The following ARFGEF3 variants were observed in gnomAD, a reference collection of about 807,000 sequenced individuals.
ARFGEF3 encodes the protein ARFGEF family member 3, also known as brefeldin A-inhibited guanine nucleotide-exchange protein 3.
In ARFGEF3, 96 loss-of-function variants were observed where a neutral mutation model predicts 221.7. The observed-to-expected ratio is 0.43, with a 90% CI of 0.37 to 0.51. The LOEUF is 0.51. Ranked by LOEUF, ARFGEF3 falls within the 20% of genes least tolerant of loss-of-function variation. The pLI is 0.00. For synonymous variants in ARFGEF3, 1,145 were observed against 1,126.8 expected (o/e 1.02, Z -0.32); for missense variants, 2,410 against 2,789.9 (o/e 0.86, Z 3.07).
At chr6:138,293,732 T>A (rs1247488210) in intron 19 of ARFGEF3, among the ~76,000 whole-genome samples, 2 of 152,234 alleles carry the variant, frequency 1.3e-5, no homozygotes, top group Non-Finnish European at 2.9e-5. Context: ...CCAAGCATTT[T>A]ATGAGTGCCT....
chr6:138,208,655 T>G (rs1056443443), intron 3 of ARFGEF3, among the ~76,000 whole-genome samples: 5 of 152,176 alleles, frequency 3.3e-5, no homozygotes, highest in Non-Finnish European at 7.4e-5. Flanking sequence ...TTAATTGCAG[T>G]CCTTGTGAAT....
intron 32 of ARFGEF3, among the ~76,000 whole-genome samples, chr6:138,331,663 A>G (rs983494666): frequency 3.9e-5 from 6 of 152,240 alleles, no homozygotes; most frequent in Non-Finnish European, 7.3e-5. Context: ...TCAATTATCC[A>G]GTCTGGAGGC....
intron 2 of ARFGEF3, among the ~76,000 whole-genome samples, chr6:138,187,890 A>G (rs1359795353): frequency 2.0e-5 from 3 of 152,082 alleles, no homozygotes; most frequent in Non-Finnish European, 4.4e-5. Context: ...AAGCACTCTT[A>G]ATTTTCCTCA....
intron 14 of ARFGEF3, among the ~76,000 whole-genome samples, chr6:138,284,634 T>A (rs1779255496): frequency 6.6e-6 from 1 of 152,200 alleles, no homozygotes; most frequent in African/African-American, 2.4e-5. Flanking sequence ...TTAAACAGGA[T>A]AACTGAGGAT....
chr6:138,284,803 G>T (rs1455628305), intron 14 of ARFGEF3, among the ~76,000 whole-genome samples: 1 of 152,138 alleles, frequency 6.6e-6, no homozygotes, highest in East Asian at 1.9e-4. Context: ...TCTGAGAAAT[G>T]CATTGTTAGG....
chr6:138,223,831 G>A lies in ARFGEF3; in HGVS notation c.352-5953G>A, dbSNP rs575248358. ...TTGGACCATGGCATGACTTCCCAGA[G>A]GACACTGCATTTTCCCATTCAGAAT... is the stretch of plus-strand genomic sequence containing the variant. On this transcript the variant is annotated intron_variant, in intron 4 of 33. Coordinates refer to ENST00000251691, the MANE Select transcript of ARFGEF3 (RefSeq NM_020340.5). Among the ~76,000 whole-genome samples the A allele has an allele frequency of 3.7e-4, 57 of 152,198 alleles. 1 individual carries two copies. The South Asian group carries it at 0.012, about 32-fold the overall frequency.
At chr6:138,255,384 T>G (rs1468653225) in intron 9 of ARFGEF3, 52 bp from the exon 10 acceptor site, 1 of 1,374,064 alleles carries the variant, frequency 7.3e-7, no homozygotes, top group African/African-American at 1.4e-5. Flanking sequence ...GCAGAGTAAA[T>G]TTTATCATTT....
chr6:138,302,586 A>G (rs1779646720), intron 22 of ARFGEF3, among the ~76,000 whole-genome samples: 2 of 152,216 alleles, frequency 1.3e-5, no homozygotes, highest in East Asian at 3.8e-4. Flanking sequence ...TCTACAATAG[A>G]CACGTTATAG....
intron 12 of ARFGEF3, among the ~76,000 whole-genome samples, chr6:138,266,848 C>CAGAAAAAAAAA (rs1778904278): frequency 1.3e-5 from 1 of 77,410 alleles, no homozygotes. Flanking sequence ...GACTCCATCT[C>CAGAAAAAAAAA]AAAAAAAAAA....
In ARFGEF3 at chr6:138,321,206, G is replaced by A; in HGVS notation, c.4747G>A (p.Val1583Met). The A allele has an allele frequency of 6.4e-7, 1 of 1,553,258 alleles. No homozygotes were observed. The highest frequency in any genetic ancestry group is 8.7e-7 in the Non-Finnish European group (1 of 1,145,778). The part of the protein sequence containing the change: ...VAKPTETISR[V>M]GCSCIRYVLV... ...CAAGCCCACTGAAACCATCTCCAGA[G>A]TGGGCTGCTCCTGTATTAGGTGAGG... is the stretch of plus-strand genomic sequence containing the variant. Residue 1583 changes from valine (V) to methionine (M), a missense_variant, in exon 29 of 34, where the codon GTG (valine) becomes ATG (methionine). Transcript: ENST00000251691.
intron 12 of ARFGEF3, among the ~76,000 whole-genome samples, chr6:138,268,894 C>T (rs1778944358): frequency 6.6e-6 from 1 of 152,226 alleles, no homozygotes; most frequent in Non-Finnish European, 1.5e-5. Flanking sequence ...CTCAGTTGTA[C>T]AAGATATATC....
intron 1 of ARFGEF3, 115 bp from the exon 2 acceptor site, chr6:138,170,547 A>G (rs995824320): frequency 3.2e-6 from 2 of 627,390 alleles, no homozygotes; most frequent in Non-Finnish European, 5.6e-6. Flanking sequence ...TTGAGAATTG[A>G]CTAGTTTATA....
At position 138,230,285 on chromosome 6, in the gene ARFGEF3, A is replaced by C. The variant is rs117405546; in HGVS notation, c.420+433A>C. Among the ~76,000 whole-genome samples the C allele has an allele frequency of 3.3e-3, 510 of 152,324 alleles. 9 individuals are homozygous for C. In the East Asian group the frequency reaches 0.041, roughly 12 times the overall value. On this transcript the variant is annotated intron_variant, in intron 5 of 33. Transcript: ENST00000251691. ...ATCTTCAAAACCCTGAAGAATGCCT[A>C]TTGAAATGATCATTGAAAAGCCTTC...
intron 4 of ARFGEF3, among the ~76,000 whole-genome samples, chr6:138,225,477 AATT>A (rs1263901476): frequency 1.3e-5 from 2 of 152,176 alleles, no homozygotes; most frequent in African/African-American, 2.4e-5. Context: ...TAGCCTTCTA[AATT>A]ATTATATACC....
intron 5 of ARFGEF3, among the ~76,000 whole-genome samples, chr6:138,231,442 G>A (rs1778190687): frequency 6.6e-6 from 1 of 152,176 alleles, no homozygotes; most frequent in Non-Finnish European, 1.5e-5. Context: ...CTGCCTAGTG[G>A]TGTTGCCTCG....
intron 4 of ARFGEF3, among the ~76,000 whole-genome samples, chr6:138,210,480 C>CT (rs993226179): frequency 2.9e-4 from 42 of 147,320 alleles, no homozygotes; most frequent in African/African-American, 4.2e-4. Context: ...GAATACACAT[C>CT]TTTTTTTTTT....
chr6:138,340,471 C>A lies in ARFGEF3; in HGVS notation c.*3985C>A, dbSNP rs1419872624. ...AATACTGCTTATACAGGAAAGTTTTCTCAGAAAGGAAAATCCATTAGTATC... is the reference window on the plus strand; with the variant it reads ...AATACTGCTTATACAGGAAAGTTTTATCAGAAAGGAAAATCCATTAGTATC... On this transcript the variant is annotated 3_prime_UTR_variant, in exon 34 of 34. Coordinates refer to ENST00000251691, the MANE Select transcript of ARFGEF3 (RefSeq NM_020340.5). 6.6e-6 allele frequency: 1 copy of A among 152,150 alleles called. No individual in the cohort carries two copies. Among genetic ancestry groups the A allele is most frequent in the African/African-American group, 2.4e-5 (1 of 41,426 alleles). 9.4% of individuals were successfully genotyped at this position (152,150 alleles called of 1,614,324 possible). A position where few individuals can be genotyped will look rare whatever the true frequency, so the allele number is the denominator to read the frequency against.
chr6:138,276,042 A>G (rs1249492973), intron 12 of ARFGEF3, among the ~76,000 whole-genome samples: 1 of 152,230 alleles, frequency 6.6e-6, no homozygotes, highest in East Asian at 1.9e-4. Flanking sequence ...TCAGCCTCCA[A>G]GTATTTGCAG....
At chr6:138,173,107 A>G (rs1776871591) in intron 2 of ARFGEF3, among the ~76,000 whole-genome samples, 1 of 152,202 alleles carries the variant, frequency 6.6e-6, no homozygotes, top group Non-Finnish European at 1.5e-5. Context: ...TCAAGGAGAA[A>G]AATAACAATA....
Sources: allele counts gnomAD v4.1 joint callset (sites outside exome capture counted in the v4.1 genomes callset), GRCh38; gene constraint gnomAD v4.1.1; transcripts MANE v1.5; gene names NCBI Gene and HGNC (gene_info 2026-07-23, HGNC 2026-07-21).